EDIL3: variants seen among roughly 807,000 people sequenced by gnomAD.
EDIL3 encodes EGF like and discoidin domains 3.
Under a neutral mutation model 67.4 loss-of-function variants are expected in EDIL3, and 37 were observed. That is an observed-to-expected ratio of 0.55 (90% CI 0.42 to 0.72). EDIL3 has a LOEUF of 0.72. Ranked by LOEUF, EDIL3 falls within the 30% of genes least tolerant of loss-of-function variation. The probability of loss-of-function intolerance (pLI) is 0.00; values close to 1 mark genes in which losing one functional copy is unlikely to be tolerated. For missense variants in EDIL3, 527 were observed against 586.3 expected, an observed-to-expected ratio of 0.90 and a Z score of 1.04; for synonymous variants, 195 against 196.3, an observed-to-expected ratio of 0.99 and a Z score of 0.05.
chr5:84,028,461 A>G (rs564402547), intron 9 of EDIL3, among the ~76,000 whole-genome samples: 2 of 152,296 alleles, frequency 1.3e-5, no homozygotes, highest in East Asian at 3.9e-4. Context: ...TCTTGATTCT[A>G]CCATACGTTA....
intron 6 of EDIL3, among the ~76,000 whole-genome samples, chr5:84,096,452 C>G (rs1251662102): frequency 6.6e-6 from 1 of 152,168 alleles, no homozygotes; most frequent in East Asian, 1.9e-4. Context: ...TTTGACTACC[C>G]CAATGGATTT....
At chr5:84,139,112 C>T (rs1748143884) in intron 4 of EDIL3, among the ~76,000 whole-genome samples, 2 of 152,160 alleles carry the variant, frequency 1.3e-5, no homozygotes, top group Admixed American at 1.3e-4. Context: ...TGGCGTGTGC[C>T]TATAATCCCA....
chr5:84,169,072 T>C (rs1176478819), intron 4 of EDIL3, among the ~76,000 whole-genome samples: 1 of 151,990 alleles, frequency 6.6e-6, no homozygotes, highest in Non-Finnish European at 1.5e-5. Flanking sequence ...CCTGACTTCA[T>C]TCACATCTCT....
chr5:84,195,644 T>C (rs957277998), intron 3 of EDIL3, among the ~76,000 whole-genome samples: 3 of 152,128 alleles, frequency 2.0e-5, no homozygotes, highest in Admixed American at 2.0e-4. Context: ...TCTACAGATG[T>C]GCTGAATTCT....
intron 4 of EDIL3, among the ~76,000 whole-genome samples, chr5:84,152,348 A>AT (rs1402035142): frequency 6.6e-6 from 1 of 152,228 alleles, no homozygotes; most frequent in African/African-American, 2.4e-5. Context: ...TACATACTGC[A>AT]TAATTTTACA....
intron 10 of EDIL3, among the ~76,000 whole-genome samples, chr5:83,962,718 C>T (rs1287598192): frequency 2.6e-5 from 4 of 151,448 alleles, no homozygotes; most frequent in African/African-American, 9.7e-5. Context: ...CAAAATTGTT[C>T]TATTTCTAAA....
chr5:84,035,079 C>A (rs116421268), intron 9 of EDIL3, among the ~76,000 whole-genome samples: 1 of 152,028 alleles, frequency 6.6e-6, no homozygotes, highest in Non-Finnish European at 1.5e-5. Flanking sequence ...GTTTTTCAAG[C>A]TAATACGACT....
At chr5:84,043,479 C>T (rs192202945) in intron 9 of EDIL3, among the ~76,000 whole-genome samples, 9 of 152,146 alleles carry the variant, frequency 5.9e-5, no homozygotes, top group South Asian at 2.1e-4. Context: ...ACCAAGTTTG[C>T]GGATACACAT....
At chr5:84,376,390 A>C (rs552356203) in intron 1 of EDIL3, among the ~76,000 whole-genome samples, 1 of 152,374 alleles carries the variant, frequency 6.6e-6, no homozygotes, top group African/African-American at 2.4e-5. Context: ...TTTCTAGGCC[A>C]AAATCAAATT....
intron 3 of EDIL3, among the ~76,000 whole-genome samples, chr5:84,196,521 T>G (rs1303396139): frequency 1.3e-5 from 2 of 152,046 alleles, no homozygotes; most frequent in African/African-American, 4.8e-5. Context: ...TTGTGTGGTG[T>G]TGTTTGTGTT....
chr5:84,215,219 G>A (rs1744203559), intron 3 of EDIL3, among the ~76,000 whole-genome samples: 1 of 152,022 alleles, frequency 6.6e-6, no homozygotes, highest in South Asian at 2.1e-4. Context: ...TATTTAGCCT[G>A]GACAGAAATA....
At chr5:84,086,573 T>A (rs1360147775) in intron 6 of EDIL3, among the ~76,000 whole-genome samples, 1 of 150,146 alleles carries the variant, frequency 6.7e-6, no homozygotes, top group Non-Finnish European at 1.5e-5. Context: ...CGCTGGGAGC[T>A]GCAGACCAGA....
intron 1 of EDIL3, among the ~76,000 whole-genome samples, chr5:84,302,283 T>A (rs1746177454): frequency 6.6e-6 from 1 of 152,054 alleles, no homozygotes; most frequent in Admixed American, 6.6e-5. Context: ...ACGATCTCAA[T>A]TATTTTATTT....
At chr5:84,295,813 G>C (rs1341426133) in intron 1 of EDIL3, among the ~76,000 whole-genome samples, 7 of 152,054 alleles carry the variant, frequency 4.6e-5, no homozygotes, top group Non-Finnish European at 1.0e-4. Flanking sequence ...TGTTTTAATG[G>C]AAGCATTTTG....
intron 9 of EDIL3, among the ~76,000 whole-genome samples, chr5:84,044,321 G>T (rs1157960960): frequency 1.3e-5 from 2 of 152,048 alleles, no homozygotes; most frequent in Admixed American, 1.3e-4. Flanking sequence ...ATGTTAATAT[G>T]CATGTGAGAA....
At chr5:84,267,378 C>T (rs1745371142) in intron 1 of EDIL3, among the ~76,000 whole-genome samples, 1 of 152,182 alleles carries the variant, frequency 6.6e-6, no homozygotes, top group Non-Finnish European at 1.5e-5. Context: ...CATGGCTATG[C>T]CCCTTAGTAT....
At chr5:84,328,392 T>C (rs2112162954) in intron 1 of EDIL3, among the ~76,000 whole-genome samples, 1 of 152,162 alleles carries the variant, frequency 6.6e-6, no homozygotes, top group Admixed American at 6.6e-5. Context: ...TGTTGCAACA[T>C]TCTCTAGAAA....
intron 1 of EDIL3, among the ~76,000 whole-genome samples, chr5:84,315,399 A>T (rs2112148477): frequency 6.6e-6 from 1 of 152,294 alleles, no homozygotes; most frequent in Non-Finnish European, 1.5e-5. Context: ...AACCAATTAG[A>T]GGTAGAGGAG....
Position 84,003,175 on chromosome 5 carries a change from C to G in EDIL3, c.1138-39815G>C, listed in dbSNP as rs545825094. 1.5e-4 allele frequency among the ~76,000 whole-genome samples: 23 copies of G among 152,314 alleles called. 1 individual carries two copies. Among genetic ancestry groups the G allele is most frequent in the Admixed American group, 4.6e-4 (7 of 15,296 alleles). On this transcript the variant is annotated intron_variant, in intron 9 of 10. Coordinates refer to ENST00000296591, the MANE Select transcript of EDIL3 (RefSeq NM_005711.5). The stretch of plus-strand genomic sequence containing the variant: ...TTTTCACTGTGAATCCCCCAGGTCC[C>G]CGCTCTTCAACAGGCAGGGTCCTAG...
Sources: allele counts gnomAD v4.1 joint callset (sites outside exome capture counted in the v4.1 genomes callset), GRCh38; gene constraint gnomAD v4.1.1; transcripts MANE v1.5; gene names NCBI Gene and HGNC (gene_info 2026-07-23, HGNC 2026-07-21).